MYCT1: variants seen among roughly 807,000 people sequenced by gnomAD.
The protein encoded by MYCT1 is myc target protein 1.
A neutral mutation model predicts 15.0 loss-of-function variants in MYCT1; 12 were observed. The observed-to-expected ratio is 0.80, with a 90% CI of 0.51 to 1.29. The LOEUF (loss-of-function observed/expected upper bound fraction) is 1.29. MYCT1 is among the 50% of genes most tolerant of loss of function. The pLI is 0.00. For missense variants in MYCT1, 287 were observed against 279.1 expected, an observed-to-expected ratio of 1.03 and a Z score of -0.20; for synonymous variants, 104 against 102.7, an observed-to-expected ratio of 1.01 and a Z score of -0.07.
intron 1 of MYCT1, among the ~76,000 whole-genome samples, chr6:152,714,305 C>CTTTTTTTTTTTTTTTTTT (rs5880998): frequency 8.3e-6 from 1 of 120,032 alleles, no homozygotes; most frequent in Non-Finnish European, 1.7e-5. Flanking sequence ...TTTTCTTTTT[C>CTTTTTTTTTTTTTTTTTT]TTTTTTTTTT....
the MYCT1 span, among the ~76,000 whole-genome samples, chr6:152,731,133 A>G: frequency 6.6e-6 from 1 of 152,200 alleles, no homozygotes; most frequent in African/African-American, 2.4e-5. Flanking sequence ...TCCTACCTTC[A>G]AGTCAATAAA....
At chr6:152,742,335 G>A in the MYCT1 span, among the ~76,000 whole-genome samples, 1 of 152,120 alleles carries the variant, frequency 6.6e-6, no homozygotes, top group African/African-American at 2.4e-5. Context: ...TTCTGAGGGA[G>A]GAAATGGTAT....
the MYCT1 span, among the ~76,000 whole-genome samples, chr6:152,745,137 A>G: frequency 6.6e-6 from 1 of 152,182 alleles, no homozygotes; most frequent in Non-Finnish European, 1.5e-5. Flanking sequence ...CTTCGGTCCC[A>G]GGGCCTCTTT....
At chr6:152,718,305 G>C (rs971111383) in intron 1 of MYCT1, among the ~76,000 whole-genome samples, 9 of 152,054 alleles carry the variant, frequency 5.9e-5, no homozygotes, top group African/African-American at 1.7e-4. Flanking sequence ...TCTTACATCA[G>C]AACAATAATG....
At chr6:152,742,285 AG>A in the MYCT1 span, among the ~76,000 whole-genome samples, 2 of 152,200 alleles carry the variant, frequency 1.3e-5, no homozygotes, top group Non-Finnish European at 2.9e-5. Context: ...TTCTACTGTA[AG>A]CTGAGACCCG....
intron 1 of MYCT1, among the ~76,000 whole-genome samples, chr6:152,719,719 A>G (rs919920800): frequency 5.3e-5 from 8 of 152,218 alleles, no homozygotes; most frequent in African/African-American, 1.7e-4. Flanking sequence ...ATTAGACAGC[A>G]GTGATTATTC....
At chr6:152,700,438 G>A (rs1370763843) in intron 1 of MYCT1, among the ~76,000 whole-genome samples, 1 of 152,058 alleles carries the variant, frequency 6.6e-6, no homozygotes, top group Non-Finnish European at 1.5e-5. Flanking sequence ...AACTTTTCTG[G>A]TTTACTTTAA....
In MYCT1 at chr6:152,722,618, G is replaced by A. The variant is rs941899758; in HGVS notation, c.*365G>A. On this transcript the variant is annotated 3_prime_UTR_variant, in exon 2 of 2. Transcript: ENST00000367245. ...ATTACAATCCTCATTTACTTCCAAT[G>A]TGACTAAAAAGAGAAAAAAAATCAC... 3 of 240,020 alleles carry A rather than the reference G, an allele frequency of 1.2e-5. No individual in the cohort carries two copies. Among genetic ancestry groups the A allele is most frequent in the Admixed American group, 5.3e-5 (1 of 18,922 alleles). 14.9% of individuals were successfully genotyped at this position (240,020 alleles called of 1,614,324 possible). A position where few individuals can be genotyped will look rare whatever the true frequency, so the allele number is the denominator to read the frequency against.
In MYCT1 at chr6:152,712,619, C is replaced by T. The variant is rs113173521; in HGVS notation, c.197-9123C>T. On this transcript the variant is annotated intron_variant, in intron 1 of 1. Coordinates refer to ENST00000367245, the MANE Select transcript of MYCT1 (RefSeq NM_025107.3). The stretch of plus-strand genomic sequence containing the variant: ...GTCGCTCACCCTGGGAGCTGTAGAC[C>T]GGAGCTGTTCCTATTCGGCCATCTT... Among the ~76,000 whole-genome samples the T allele has an allele frequency of 1.2e-4, 2 of 16,328 alleles. 1 individual carries two copies. The highest frequency in any genetic ancestry group is 4.2e-4 in the Non-Finnish European group (2 of 4,816). The allele number at this position is 16,328 out of a possible 152,430, so 10.7% of individuals were successfully genotyped here.
chr6:152,732,455 C>CTT, the MYCT1 span, among the ~76,000 whole-genome samples: 1 of 102,126 alleles, frequency 9.8e-6, no homozygotes, highest in Non-Finnish European at 2.6e-5. Flanking sequence ...AGAGAAAAGT[C>CTT]TCTGATTCAA....
At chr6:152,719,173 A>G (rs1326389626) in intron 1 of MYCT1, among the ~76,000 whole-genome samples, 2 of 152,296 alleles carry the variant, frequency 1.3e-5, no homozygotes, top group African/African-American at 4.8e-5. Context: ...GTTGATATTT[A>G]AAAGTCTCCA....
At chr6:152,704,419 T>C (rs1323408734) in intron 1 of MYCT1, among the ~76,000 whole-genome samples, 3 of 152,188 alleles carry the variant, frequency 2.0e-5, no homozygotes, top group African/African-American at 7.2e-5. Context: ...ATAGTAAGTC[T>C]TGAAGTTACG....
Position 152,722,877 on chromosome 6 carries a change from T to TC in MYCT1, c.*624_*625insC, listed in dbSNP as rs1379170988. 9.9e-5 allele frequency: 22 copies of TC among 223,190 alleles called. No individual in the cohort carries two copies. Among genetic ancestry groups the TC allele is most frequent in the Non-Finnish European group, 1.9e-4 (21 of 109,742 alleles). The allele number at this position is 223,190 out of a possible 1,614,324, so 13.8% of individuals were successfully genotyped here. Reference sequence around the variant, plus strand: ...TCTTAGTGCCCCAAGTAGCTGGGACTACAGGGGTGCACTACCACACCGGGT... The same window carrying TC: ...TCTTAGTGCCCCAAGTAGCTGGGACTCACAGGGGTGCACTACCACACCGGGT... On this transcript the variant is annotated 3_prime_UTR_variant, in exon 2 of 2. Coordinates refer to ENST00000367245, the MANE Select transcript of MYCT1 (RefSeq NM_025107.3).
At chr6:152,725,117 T>C (rs1308279225), downstream of MYCT1, among the ~76,000 whole-genome samples, 2 of 151,924 alleles carry the variant, frequency 1.3e-5, no homozygotes, top group African/African-American at 4.8e-5. Flanking sequence ...ACAGTTTTGA[T>C]TATTTAAAAA....
chr6:152,712,797 G>T lies in MYCT1; in HGVS notation c.197-8945G>T, dbSNP rs149809532. On this transcript the variant is annotated intron_variant, in intron 1 of 1. Transcript: ENST00000367245. ...GAGTATTTAAATAATTGTCTTTTAT[G>T]AATGTAATGTTATTATTATTTGTAA... Among the ~76,000 whole-genome samples the T allele has an allele frequency of 2.2e-3, 331 of 152,114 alleles. 1 individual carries two copies. The highest frequency in any genetic ancestry group is 7.4e-3 in the African/African-American group (306 of 41,546).
At chr6:152,714,952 T>C (rs1048785511) in intron 1 of MYCT1, among the ~76,000 whole-genome samples, 2 of 152,090 alleles carry the variant, frequency 1.3e-5, no homozygotes, top group Non-Finnish European at 2.9e-5. Context: ...GGTCTGGTCT[T>C]TCTCCTGTTT....
chr6:152,740,988 G>A, the MYCT1 span, among the ~76,000 whole-genome samples: 2 of 152,036 alleles, frequency 1.3e-5, no homozygotes, highest in South Asian at 2.1e-4. Context: ...AAATGTATAC[G>A]AGCTATAGAA....
intron 1 of MYCT1, 46 bp downstream of exon 1, chr6:152,698,144 A>G (rs2099720724): frequency 8.9e-7 from 1 of 1,127,738 alleles, no homozygotes; most frequent in East Asian, 2.6e-5. Flanking sequence ...TTAGGATGTA[A>G]GAAATGCACT....
At position 152,702,543 on chromosome 6, in the gene MYCT1, G is replaced by A. The variant is rs1233663239; in HGVS notation, c.196+4445G>A. On this transcript the variant is annotated intron_variant, in intron 1 of 1. Transcript: ENST00000367245. ...GTTGGGGATCAAGTGCTGTCAAGAGGAGGGATCCCTGGCTACTAGCAGCAA... is the reference window on the plus strand; with the variant it reads ...GTTGGGGATCAAGTGCTGTCAAGAGAAGGGATCCCTGGCTACTAGCAGCAA... Among the ~76,000 whole-genome samples the A allele has an allele frequency of 5.3e-5, 8 of 152,234 alleles. No individual in the cohort carries two copies. The East Asian group carries it at 1.5e-3, about 29-fold the overall frequency.
Sources: allele counts gnomAD v4.1 joint callset (sites outside exome capture counted in the v4.1 genomes callset), GRCh38; gene constraint gnomAD v4.1.1; transcripts MANE v1.5; gene names NCBI Gene and HGNC (gene_info 2026-07-23, HGNC 2026-07-21).